SCN7A: variants seen among roughly 807,000 people sequenced by gnomAD.
SCN7A encodes the protein sodium voltage-gated channel alpha subunit 7.
A neutral mutation model predicts 155.2 loss-of-function variants in SCN7A; 138 were observed. The observed-to-expected ratio is 0.89, with a 90% CI of 0.77 to 1.02. The LOEUF is 1.02. Among genes scored for constraint, SCN7A ranks in the 50% least tolerant of loss-of-function variants. SCN7A has a pLI of 0.00. For synonymous variants in SCN7A, 693 were observed against 649.0 expected (o/e 1.07, Z -1.03); for missense variants, 2,058 against 1,986.6 (o/e 1.04, Z -0.68).
intron 2 of SCN7A, among the ~76,000 whole-genome samples, chr2:166,477,978 T>C (rs1023344468): frequency 1.3e-5 from 2 of 151,946 alleles, no homozygotes; most frequent in Non-Finnish European, 2.9e-5. Context: ...TCCATTATAA[T>C]AAAAGAGATA....
chr2:166,469,283 G>A (rs966320480), intron 7 of SCN7A, among the ~76,000 whole-genome samples: 6 of 150,680 alleles, frequency 4.0e-5, no homozygotes, highest in African/African-American at 1.2e-4. Context: ...ACTATTTTAC[G>A]GCTTCCATTA....
chr2:166,426,143 C>A (rs1013328580), intron 18 of SCN7A, among the ~76,000 whole-genome samples: 21 of 152,182 alleles, frequency 1.4e-4, no homozygotes, highest in Admixed American at 8.5e-4. Context: ...GATTTGAAAG[C>A]AAAATTTCAC....
chr2:166,455,044 T>C (rs974818741), intron 11 of SCN7A, among the ~76,000 whole-genome samples: 1 of 152,202 alleles, frequency 6.6e-6, no homozygotes, highest in Admixed American at 6.5e-5. Flanking sequence ...AATAATTCCC[T>C]GTACTATGAT....
At chr2:166,460,482 C>T (rs947396380) in intron 10 of SCN7A, among the ~76,000 whole-genome samples, 4 of 151,914 alleles carry the variant, frequency 2.6e-5, no homozygotes, top group African/African-American at 9.7e-5. Context: ...TCAGGTAGTT[C>T]ATCTCTAAGT....
chr2:166,475,016 A>ATG lies in SCN7A; in HGVS notation c.235-674_235-673dup, dbSNP rs1275419965. Among the ~76,000 whole-genome samples the ATG allele has an allele frequency of 2.6e-4, 37 of 143,232 alleles. No individual in the cohort carries two copies. The East Asian group carries it at 6.3e-3, about 24-fold the overall frequency. The allele number at this position is 143,232 out of a possible 152,430, so 94.0% of individuals were successfully genotyped here. On this transcript the variant is annotated intron_variant, in intron 3 of 25. Transcript: ENST00000643258. ...TGTACATGCTTGTGTATGTACATGA[A>ATG]TGTGTGTGTGTGTATATATATATAT...
At chr2:166,455,346 A>AT (rs1702251065) in intron 11 of SCN7A, among the ~76,000 whole-genome samples, 3 of 151,944 alleles carry the variant, frequency 2.0e-5, no homozygotes, top group African/African-American at 7.3e-5. Context: ...TAGCACTGTG[A>AT]TTTTAAGAAG....
chr2:166,416,518 T>C (rs1229244984), intron 21 of SCN7A, among the ~76,000 whole-genome samples, 189 bp downstream of exon 21: 3 of 152,138 alleles, frequency 2.0e-5, no homozygotes, highest in Non-Finnish European at 4.4e-5. Flanking sequence ...TTACGGAAAA[T>C]AGAAAGAACC....
chr2:166,414,365 GGAAATACA>G (rs1456690398), intron 21 of SCN7A: 1 of 124,814 alleles, frequency 8.0e-6, no homozygotes, highest in Non-Finnish European at 1.6e-5. Flanking sequence ...ATTTAACAGA[GGAAATACA>G]GATACTAGCC....
chr2:166,439,207 T>A (rs1701905220), intron 15 of SCN7A, among the ~76,000 whole-genome samples: 1 of 151,774 alleles, frequency 6.6e-6, no homozygotes, highest in East Asian at 1.9e-4. Context: ...ATTACACTTA[T>A]CCTCTTATTA....
intron 21 of SCN7A, 24 bp downstream of exon 21, chr2:166,416,683 A>C (rs894485995): frequency 1.9e-6 from 3 of 1,557,442 alleles, no homozygotes; most frequent in African/African-American, 2.7e-5. Flanking sequence ...ATAATTAATA[A>C]GGAAAAGTCA....
chr2:166,472,367 G>A lies in SCN7A; in HGVS notation c.522C>T (p.Ser174=), dbSNP rs773993266. The stretch of plus-strand genomic sequence containing the variant: ...GCCAGTTCCATGGATCACCGAGGAA[G>A]GAAAATGATCCTGCCCAGACACCTC... ...FARGVWAGSF[S]FLGDPWNWLD... The change falls in exon 6 of 26, where the codon TCC becomes TCT. Residue 174 remains serine (S), a synonymous_variant. Coordinates refer to ENST00000643258, the MANE Select transcript of SCN7A (RefSeq NM_002976.4). The A allele has an allele frequency of 6.2e-7, 1 of 1,608,632 alleles. No homozygotes were observed. The highest frequency in any genetic ancestry group is 8.5e-7 in the Non-Finnish European group (1 of 1,176,724).
intron 11 of SCN7A, among the ~76,000 whole-genome samples, chr2:166,454,750 G>A (rs987173844): frequency 6.6e-6 from 1 of 152,134 alleles, no homozygotes; most frequent in African/African-American, 2.4e-5. Flanking sequence ...GAAGAGATGT[G>A]AGATTGCCAG....
rs1383020840 is a variant in SCN7A at position 166,466,001 on chromosome 2, C to T, written c.665-14G>A. Reference sequence around the variant, plus strand: ...GGGATTTCAGACCTGGAAAGAGAAACATTTGTTTTCGAAATAATGTAATAT... The same window carrying T: ...GGGATTTCAGACCTGGAAAGAGAAATATTTGTTTTCGAAATAATGTAATAT... On this transcript the variant is annotated splice_polypyrimidine_tract_variant and intron_variant, in intron 7 of 25. Coordinates refer to ENST00000643258, the MANE Select transcript of SCN7A (RefSeq NM_002976.4). The T allele has an allele frequency of 3.2e-6, 5 of 1,582,282 alleles. No homozygotes were observed. The highest frequency in any genetic ancestry group is 1.3e-5 in the African/African-American group (1 of 74,104).
In SCN7A at chr2:166,406,625, A is replaced by C; in HGVS notation, c.4004T>G (p.Val1335Gly). ...SITGLCLPMT[V>G]GSYLVPPSLV... ...TGAAGGAGGCACAAGGTAGGATCCT[A>C]CTGTCATAGGCAGACATAGTCCTGG... Residue 1335 changes from valine (V) to glycine (G), a missense_variant, in exon 26 of 26, where the codon GTA (valine) becomes GGA (glycine). By Grantham distance (109) the Val-to-Gly change is moderately radical (BLOSUM62 -3). Coordinates refer to ENST00000643258, the MANE Select transcript of SCN7A (RefSeq NM_002976.4). 1 of 1,608,968 alleles carries C rather than the reference A, an allele frequency of 6.2e-7. No individual in the cohort carries two copies. Among genetic ancestry groups the C allele is most frequent in the Non-Finnish European group, 8.5e-7 (1 of 1,177,236 alleles).
intron 11 of SCN7A, among the ~76,000 whole-genome samples, chr2:166,450,586 G>A (rs1484385002): frequency 6.6e-6 from 1 of 152,190 alleles, no homozygotes; most frequent in East Asian, 1.9e-4. Context: ...CAGATCACGA[G>A]GTCAGGAGAT....
At chr2:166,461,382 A>C (rs1019862776) in intron 10 of SCN7A, among the ~76,000 whole-genome samples, 1 of 152,164 alleles carries the variant, frequency 6.6e-6, no homozygotes, top group African/African-American at 2.4e-5. Context: ...TTGAAGAAAA[A>C]CTGAATCCCC....
At chr2:166,448,328 T>C (rs1215256679) in intron 11 of SCN7A, among the ~76,000 whole-genome samples, 2 of 152,188 alleles carry the variant, frequency 1.3e-5, no homozygotes, top group Non-Finnish European at 1.5e-5. Flanking sequence ...ATTGTGTATA[T>C]ACTATATTTT....
chr2:166,419,402 G>T (rs1411687429), intron 20 of SCN7A, among the ~76,000 whole-genome samples: 1 of 146,656 alleles, frequency 6.8e-6, no homozygotes, highest in South Asian at 2.2e-4. Context: ...CTGTCACCCA[G>T]TCTGGAGTGC....
In SCN7A at chr2:166,409,828, A is replaced by G; in HGVS notation, c.3819T>C (p.Asp1273=). The change falls in exon 25 of 26, where the codon GAT becomes GAC. Residue 1273 remains aspartate, a synonymous_variant. Coordinates refer to ENST00000643258, the MANE Select transcript of SCN7A (RefSeq NM_002976.4). ...CAATGGACATTTGTAGACTCTGAAC[A>G]TCAGTGTCTATCATCATGGCTATTG... ...FQAIAMMIDT[D]VQSLQMSIAL... 6.4e-7 allele frequency: 1 copy of G among 1,571,990 alleles called. No individual in the cohort carries two copies. The highest frequency in any genetic ancestry group is 8.6e-7 in the Non-Finnish European group (1 of 1,156,232).
Sources: allele counts gnomAD v4.1 joint callset (sites outside exome capture counted in the v4.1 genomes callset), GRCh38; gene constraint gnomAD v4.1.1; transcripts MANE v1.5; gene names NCBI Gene and HGNC (gene_info 2026-07-23, HGNC 2026-07-21).